RP1: variants seen among roughly 807,000 people sequenced by gnomAD.
RP1 encodes oxygen-regulated protein 1.
RP1 carries 16 observed loss-of-function variants against 14.8 expected under a neutral mutation model. That is an observed-to-expected ratio of 1.08 (90% CI 0.73 to 1.65). The LOEUF (loss-of-function observed/expected upper bound fraction) is 1.65. Ranked by LOEUF, RP1 falls within the 40% of genes most tolerant of loss-of-function variation. The pLI, the probability that RP1 is intolerant of heterozygous loss-of-function variation, is 0.00. For missense variants in RP1, 2,631 were observed against 2,535.0 expected, an observed-to-expected ratio of 1.04 and a Z score of -0.81; for synonymous variants, 876 against 883.6, an observed-to-expected ratio of 0.99 and a Z score of 0.15.
intron 1 of RP1, among the ~76,000 whole-genome samples, chr8:54,604,535 G>T (rs1442888389): frequency 6.6e-6 from 1 of 152,152 alleles, no homozygotes; most frequent in Non-Finnish European, 1.5e-5. Context: ...TTTGGTATCA[G>T]GATGATGCTG....
At chr8:54,706,578 T>C in exon 15 of RP1, 1 of 1,536,096 alleles carries the variant, frequency 6.5e-7, no homozygotes, top group Non-Finnish European at 8.7e-7. Context: ...TAAAATCAGC[T>C]CTGGGATTTG....
At chr8:54,860,890 G>A (rs915953267) in intron 27 of RP1, among the ~76,000 whole-genome samples, 3 of 152,214 alleles carry the variant, frequency 2.0e-5, no homozygotes, top group Admixed American at 6.5e-5. Context: ...CACAGGAAAA[G>A]AAGAAAATGT....
chr8:54,721,618 A>G (rs989563091), intron 16 of RP1, among the ~76,000 whole-genome samples: 1 of 152,234 alleles, frequency 6.6e-6, no homozygotes, highest in Non-Finnish European at 1.5e-5. Context: ...ATTAGTACTA[A>G]AAGAACCAAT....
At chr8:54,583,354 T>A (rs1282450289) in intron 1 of RP1, among the ~76,000 whole-genome samples, 1 of 152,222 alleles carries the variant, frequency 6.6e-6, no homozygotes, top group Admixed American at 6.5e-5. Context: ...TGAAGCCCAC[T>A]TGATTGTGGT....
chr8:54,671,126 G>A (rs547069792), intron 7 of RP1, among the ~76,000 whole-genome samples: 1 of 151,826 alleles, frequency 6.6e-6, no homozygotes, highest in Non-Finnish European at 1.5e-5. Context: ...TTGGTTGAGA[G>A]GTTTTTTTCT....
chr8:54,748,227 C>T (rs966587194), intron 19 of RP1, among the ~76,000 whole-genome samples: 1 of 152,062 alleles, frequency 6.6e-6, no homozygotes, highest in African/African-American at 2.4e-5. Context: ...TTTTCATTTC[C>T]AGTTACTTCT....
intron 12 of RP1, among the ~76,000 whole-genome samples, chr8:54,691,032 T>C (rs1438376370): frequency 2.6e-5 from 4 of 152,084 alleles, no homozygotes; most frequent in Admixed American, 6.6e-5. Context: ...AGAAGTTGCA[T>C]GTCCAAAATC....
At chr8:54,743,439 T>A (rs1266568025) in intron 19 of RP1, among the ~76,000 whole-genome samples, 13 of 152,182 alleles carry the variant, frequency 8.5e-5, no homozygotes, top group Admixed American at 8.5e-4. Flanking sequence ...CTATTGTTAT[T>A]TCTCTATTTA....
chr8:54,682,610 T>C (rs1395345439), intron 12 of RP1, among the ~76,000 whole-genome samples: 1 of 152,150 alleles, frequency 6.6e-6, no homozygotes, highest in Non-Finnish European at 1.5e-5. Context: ...CATTGTGGTT[T>C]TGATTTACAT....
Position 54,629,255 on chromosome 8 carries a change from G to C in RP1, c.5373G>C (p.Leu1791Phe). ...TACCATATTCACATTTTGGTAATTT[G>C]GCCCCAGGCCCAACGATGGATGAAC... is the stretch of plus-strand genomic sequence containing the variant. ...SEVPYSHFGN[L>F]APGPTMDELS... Residue 1791 changes from leucine (L) to phenylalanine (F), a missense_variant, in exon 4 of 4, where the codon TTG becomes TTC. Leu to Phe is a conservative substitution (Grantham distance 22). Transcript: ENST00000220676. The C allele has an allele frequency of 2.5e-6, 4 of 1,613,826 alleles. No individual in the cohort carries two copies. Among genetic ancestry groups the C allele is most frequent in the Non-Finnish European group, 3.4e-6 (4 of 1,179,856 alleles).
At chr8:54,848,912 C>T (rs944318547) in intron 25 of RP1, among the ~76,000 whole-genome samples, 25 of 152,160 alleles carry the variant, frequency 1.6e-4, no homozygotes, top group Admixed American at 5.9e-4. Flanking sequence ...CCACGCCCTG[C>T]GAATTTTTGT....
intron 7 of RP1, among the ~76,000 whole-genome samples, chr8:54,669,961 G>A (rs1294061109): frequency 2.0e-5 from 3 of 152,004 alleles, no homozygotes; most frequent in African/African-American, 7.2e-5. Context: ...AAACCAACAT[G>A]GCACATGTAT....
chr8:54,626,754 C>T lies in RP1; in HGVS notation c.2872C>T (p.His958Tyr). 6.2e-7 allele frequency: 1 copy of T among 1,613,820 alleles called. No homozygotes were observed. The highest frequency in any genetic ancestry group is 8.5e-7 in the Non-Finnish European group (1 of 1,179,930). ...SNNSFSGNDP[H>Y]TNSGKISNFV... ...TAATAGTTTTTCAGGGAATGATCCC[C>T]ATACAAATTCTGGAAAAATAAGTAA... Residue 958 changes from histidine (H) to tyrosine (Y), a missense_variant, in exon 4 of 4, where the codon CAT becomes TAT. By Grantham distance (83) the His-to-Tyr change is moderately conservative (BLOSUM62 2). Coordinates refer to ENST00000220676, the MANE Select transcript of RP1 (RefSeq NM_006269.2).
At chr8:54,771,725 C>T (rs77063236), downstream of RP1, among the ~76,000 whole-genome samples, 1,480 of 152,042 alleles carry the variant, frequency 9.7e-3, 11 homozygotes, top group Non-Finnish European at 0.017. Context: ...AATAATGCAA[C>T]CTTTAATATT....
chr8:54,766,205 C>T (rs1585673754), intron 22 of RP1, among the ~76,000 whole-genome samples: 1 of 151,886 alleles, frequency 6.6e-6, no homozygotes, highest in African/African-American at 2.4e-5. Context: ...GTTTTATTTT[C>T]CCTTTCTGGG....
intron 12 of RP1, among the ~76,000 whole-genome samples, chr8:54,690,697 A>G (rs1196488247): frequency 2.6e-5 from 4 of 152,014 alleles, no homozygotes; most frequent in Non-Finnish European, 5.9e-5. Context: ...AGTATATAGT[A>G]TGAAGTGTAG....
intron 19 of RP1, among the ~76,000 whole-genome samples, chr8:54,752,542 A>G (rs537946959): frequency 6.6e-6 from 1 of 152,302 alleles, no homozygotes; most frequent in East Asian, 1.9e-4. Context: ...AATCATTTGT[A>G]TTCATTCCTT....
chr8:54,608,759 T>C (rs535640624), intron 1 of RP1, among the ~76,000 whole-genome samples: 1 of 152,362 alleles, frequency 6.6e-6, no homozygotes, highest in Non-Finnish European at 1.5e-5. Context: ...AGTCTGTATA[T>C]ACTCAAATCT....
Position 54,755,390 on chromosome 8 carries a change from C to G in RP1, c.2942-229C>G, listed in dbSNP as rs144248408. On this transcript the variant is annotated intron_variant, in intron 20 of 22. Transcript: ENST00000636932. The stretch of plus-strand genomic sequence containing the variant: ...TATAAAAAATCTTTTATTTCTCTTT[C>G]TGAAAATGCAATAAACCTTCTGGCC... Among the ~76,000 whole-genome samples, 425 of 152,252 alleles carry G rather than the reference C, an allele frequency of 2.8e-3. 1 individual carries two copies. The highest frequency in any genetic ancestry group is 9.5e-3 in the African/African-American group (395 of 41,548).
Sources: allele counts gnomAD v4.1 joint callset (sites outside exome capture counted in the v4.1 genomes callset), GRCh38; gene constraint gnomAD v4.1.1; transcripts MANE v1.5; gene names NCBI Gene and HGNC (gene_info 2026-07-23, HGNC 2026-07-21).